The following ADAMTS7 variants were observed in gnomAD, a reference collection of about 807,000 sequenced individuals.
ADAMTS7 encodes the protein ADAM metallopeptidase with thrombospondin type 1 motif 7, also known as A disintegrin and metalloproteinase with thrombospondin motifs 7.
ADAMTS7 carries 89 observed loss-of-function variants against 172.6 expected under a neutral mutation model. That is an observed-to-expected ratio of 0.52 (90% CI 0.43 to 0.61). ADAMTS7 has a LOEUF of 0.61. Among genes scored for constraint, ADAMTS7 ranks in the 20% least tolerant of loss-of-function variants. The pLI is 0.00. For missense variants in ADAMTS7, 1,973 were observed against 2,355.6 expected, an observed-to-expected ratio of 0.84 and a Z score of 3.36; for synonymous variants, 885 against 978.4, an observed-to-expected ratio of 0.90 and a Z score of 1.78.
In ADAMTS7 at chr15:78,777,516, G is replaced by C. The variant is rs377659471; in HGVS notation, c.1395C>G (p.Gly465=). The C allele has an allele frequency of 9.0e-4, 1,444 of 1,610,092 alleles. 2 individuals are homozygous for C. The highest frequency in any genetic ancestry group is 2.0e-3 in the South Asian group (177 of 90,258). ...DIIDFPSVPP[G]VLYDVSHQCR... ...ACTGGTGGCTTACATCATAGAGGAC[G>C]CCAGGTGGCACCGAGGGGAAGTCGA... Residue 465 remains glycine (G), a synonymous_variant, in exon 9 of 24, where the codon GGC becomes GGG. Coordinates refer to ENST00000388820, the MANE Select transcript of ADAMTS7 (RefSeq NM_014272.5).
Position 78,759,284 on chromosome 15 carries a change from TG to T in ADAMTS7, c.*136del, listed in dbSNP as rs544641996. 1.5e-3 allele frequency: 1,043 copies of T among 717,222 alleles called. 8 individuals are homozygous for T. The African/African-American group carries it at 0.017, about 12-fold the overall frequency. 44.4% of individuals were successfully genotyped at this position (717,222 alleles called of 1,614,324 possible). A position where few individuals can be genotyped will look rare whatever the true frequency, so the allele number is the denominator to read the frequency against. ...TGTTAGAATAAAAAAATACCTTTTT[TG>T]AGGGGGAGGAGGTCCCCAGCCTGCT... On this transcript the variant is annotated 3_prime_UTR_variant, in exon 24 of 24. Coordinates refer to ENST00000388820, the MANE Select transcript of ADAMTS7 (RefSeq NM_014272.5).
chr15:78,805,778 C>G (rs1384005843), intron 1 of ADAMTS7, among the ~76,000 whole-genome samples: 1 of 152,084 alleles, frequency 6.6e-6, no homozygotes, highest in Non-Finnish European at 1.5e-5. Flanking sequence ...AGACACCATC[C>G]TTGCCTTCAA....
chr15:78,799,837 CTTTT>C (rs563089296), intron 2 of ADAMTS7, among the ~76,000 whole-genome samples: 6 of 145,618 alleles, frequency 4.1e-5, no homozygotes, highest in South Asian at 2.2e-4. Flanking sequence ...TTCTTTCTTT[CTTTT>C]TTTTTTTTTG....
intron 20 of ADAMTS7, 54 bp downstream of exon 20, chr15:78,764,501 C>G (rs988791249): frequency 4.7e-5 from 71 of 1,510,486 alleles, no homozygotes; most frequent in Non-Finnish European, 6.0e-5. Flanking sequence ...CGTGGGGAAC[C>G]AGGGCTCCAC....
chr15:78,774,389 G>A (rs1407392752), intron 12 of ADAMTS7, 89 bp from the exon 13 acceptor site: 2 of 1,460,780 alleles, frequency 1.4e-6, no homozygotes, highest in Admixed American at 2.2e-5. Context: ...ACACATCCAT[G>A]GCAGGCTGGA....
At position 78,788,356 on chromosome 15, in the gene ADAMTS7, G is replaced by A. The variant is rs535197158; in HGVS notation, c.1197C>T (p.Asp399=). Reference sequence around the variant, plus strand: ...CGGGCTCACAGTCATTGCCGCTTCCGTCATGCTGAATGCCAAAACTGTGTG... The same window carrying A: ...CGGGCTCACAGTCATTGCCGCTTCCATCATGCTGAATGCCAAAACTGTGTG... ...ELGHSFGIQH[D]GSGNDCEPVG... is the part of the protein sequence containing the mutation. Residue 399 remains aspartate (D), a synonymous_variant, in exon 8 of 24, where the codon GAC becomes GAT. Coordinates refer to ENST00000388820, the MANE Select transcript of ADAMTS7 (RefSeq NM_014272.5). The A allele has an allele frequency of 5.3e-5, 85 of 1,612,980 alleles. No individual in the cohort carries two copies. Among genetic ancestry groups the A allele is most frequent in the South Asian group, 7.7e-5 (7 of 91,020 alleles).
At chr15:78,797,251 G>A (rs554664038) in intron 3 of ADAMTS7, among the ~76,000 whole-genome samples, 88 of 152,296 alleles carry the variant, frequency 5.8e-4, no homozygotes, top group African/African-American at 1.7e-3. Flanking sequence ...TGCCCTACTG[G>A]GCCTGCTCCC....
rs779402774 is a variant in ADAMTS7, at chr15:78,768,152, C to G, written c.2626G>C (p.Glu876Gln). Residue 876 changes from glutamate to glutamine, a missense_variant, in exon 17 of 24, where the codon GAG becomes CAG. Physicochemically the swap from Glu to Gln is conservative, Grantham distance 29. Coordinates refer to ENST00000388820, the MANE Select transcript of ADAMTS7 (RefSeq NM_014272.5). ...GCTCACCTGGCAGGGCAGGGCTGCT[C>G]GCTGCACTTCCTCTGTTGGTCATCA... ...RPDDQQRKCS[E>Q]QPCPARWWAG... 4 of 1,590,638 alleles carry G rather than the reference C, an allele frequency of 2.5e-6. No homozygotes were observed. In the Admixed American group the frequency reaches 5.2e-5, roughly 21 times the overall value.
At chr15:78,767,916 G>C (rs1285990167) in intron 17 of ADAMTS7, among the ~76,000 whole-genome samples, 2 of 151,236 alleles carry the variant, frequency 1.3e-5, no homozygotes, top group Non-Finnish European at 2.9e-5. Context: ...GGGTAACCGG[G>C]GGTTGGGGCT....
chr15:78,763,887 A>T (rs1423031419), intron 21 of ADAMTS7, 39 bp downstream of exon 21: 3 of 1,568,156 alleles, frequency 1.9e-6, no homozygotes, highest in Non-Finnish European at 2.6e-6. Context: ...CCAGGGTCTG[A>T]GGGCGTCCCC....
intron 1 of ADAMTS7, among the ~76,000 whole-genome samples, chr15:78,800,984 G>C (rs1374218488): frequency 2.0e-5 from 3 of 152,072 alleles, no homozygotes; most frequent in Non-Finnish European, 4.4e-5. Context: ...CAGGTGATAC[G>C]CTCGCCTCGG....
chr15:78,796,459 C>A, intron 4 of ADAMTS7, 131 bp downstream of exon 4: 6 of 1,040,264 alleles, frequency 5.8e-6, no homozygotes, highest in Non-Finnish European at 8.4e-6. Context: ...GCTTGGATAC[C>A]CTTCTTCCTA....
chr15:78,779,169 C>G (rs2055395171), intron 8 of ADAMTS7, among the ~76,000 whole-genome samples: 1 of 152,174 alleles, frequency 6.6e-6, no homozygotes, highest in Non-Finnish European at 1.5e-5. Context: ...ACTCAGACTG[C>G]CCATGCTGGC....
chr15:78,771,879 T>G lies in ADAMTS7; in HGVS notation c.2132-50A>C. On this transcript the variant is annotated intron_variant, in intron 14 of 23. Coordinates refer to ENST00000388820, the MANE Select transcript of ADAMTS7 (RefSeq NM_014272.5). The surrounding 1 kb of genome is among the most constrained non-coding windows in gnomAD (Gnocchi z 4.9). The stretch of plus-strand genomic sequence containing the variant: ...GTTGTGCCCAGGGTGAGAGGGTTGC[T>G]TATCCCCACCCGCTCCCCTCATGTC... 6.3e-7 allele frequency: 1 copy of G among 1,580,078 alleles called. No homozygotes were observed. Among genetic ancestry groups the G allele is most frequent in the South Asian group, 1.1e-5 (1 of 87,410 alleles).
chr15:78,767,605 CACAGGTGGCATCAGTGTGGCATCAG>C lies in ADAMTS7; in HGVS notation c.2646-38_2646-14del. On this transcript the variant is annotated splice_polypyrimidine_tract_variant and intron_variant, in intron 17 of 23. Coordinates refer to ENST00000388820, the MANE Select transcript of ADAMTS7 (RefSeq NM_014272.5). ...ACCTGCCCACCACCTGGCGAGGGCA[CACAGGTGGCATCAGTGTGGCATCAG>C]ACAGGTGGCCTGCAGGCTCACCAGC... 1 of 1,528,862 alleles carries C rather than the reference CACAGGTGGCATCAGTGTGGCATCAG, an allele frequency of 6.5e-7. No homozygotes were observed. Among genetic ancestry groups the C allele is most frequent in the Non-Finnish European group, 8.8e-7 (1 of 1,134,962 alleles). 94.7% of individuals were successfully genotyped at this position (1,528,862 alleles called of 1,614,324 possible). A position where few individuals can be genotyped will look rare whatever the true frequency, so the allele number is the denominator to read the frequency against.
At chr15:78,762,934 C>T (rs1319301068) in intron 22 of ADAMTS7, among the ~76,000 whole-genome samples, 2 of 152,144 alleles carry the variant, frequency 1.3e-5, no homozygotes, top group Non-Finnish European at 2.9e-5. Context: ...CCGCTGTGCC[C>T]GAGGGACAGG....
intron 9 of ADAMTS7, 188 bp from the exon 10 acceptor site, chr15:78,777,029 C>T (rs1257116321): frequency 1.3e-5 from 8 of 603,012 alleles, no homozygotes; most frequent in South Asian, 1.0e-4. Context: ...TGGTGTGGGG[C>T]GCCCGGGGCT....
intron 12 of ADAMTS7, 47 bp from the exon 13 acceptor site, chr15:78,774,347 T>C (rs762538731): frequency 8.0e-6 from 12 of 1,507,686 alleles, no homozygotes; most frequent in South Asian, 3.9e-5. Flanking sequence ...GGGGCGGGAG[T>C]ATGGAGGCCA....
At chr15:78,796,082 G>A (rs902435071) in intron 4 of ADAMTS7, among the ~76,000 whole-genome samples, 14 of 152,190 alleles carry the variant, frequency 9.2e-5, no homozygotes, top group African/African-American at 3.4e-4. Context: ...CTCAGAAGGG[G>A]CAAGTGACTT....
Sources: allele counts gnomAD v4.1 joint callset (sites outside exome capture counted in the v4.1 genomes callset), GRCh38; gene constraint gnomAD v4.1.1; non-coding constraint Gnocchi (gnomAD v3.1); transcripts MANE v1.5; gene names NCBI Gene and HGNC (gene_info 2026-07-23, HGNC 2026-07-21).